The following TNRC6C variants were observed in gnomAD, a reference collection of about 807,000 sequenced individuals.
The protein encoded by TNRC6C is trinucleotide repeat-containing gene 6C protein.
In TNRC6C, 20 loss-of-function variants were observed where a neutral mutation model predicts 153.7. The observed-to-expected ratio is 0.13, with a 90% CI of 0.09 to 0.19. The LOEUF is 0.19. Among genes scored for constraint, TNRC6C ranks in the 10% least tolerant of loss-of-function variants. TNRC6C has a pLI of 1.00. For missense variants in TNRC6C, 1,987 were observed against 2,172.0 expected, an observed-to-expected ratio of 0.91 and a Z score of 1.69; for synonymous variants, 811 against 841.4, an observed-to-expected ratio of 0.96 and a Z score of 0.63.
intron 1 of TNRC6C, among the ~76,000 whole-genome samples, chr17:77,983,127 T>C (rs2071105028): frequency 6.6e-6 from 1 of 152,216 alleles, no homozygotes. Context: ...TTTCATATTA[T>C]ACTTAATGGT....
chr17:78,088,016 G>A (rs2073327843), intron 13 of TNRC6C, among the ~76,000 whole-genome samples: 1 of 152,204 alleles, frequency 6.6e-6, no homozygotes, highest in South Asian at 2.1e-4. Flanking sequence ...CAGGACAAAG[G>A]GTTATCGGTA....
intron 1 of TNRC6C, among the ~76,000 whole-genome samples, chr17:77,993,556 T>C (rs2071284139): frequency 6.6e-6 from 1 of 152,208 alleles, no homozygotes; most frequent in South Asian, 2.1e-4. Context: ...GATCTCAGTT[T>C]GCTCCAGTAA....
chr17:77,975,001 TA>T (rs1192315951), intron 1 of TNRC6C, among the ~76,000 whole-genome samples: 2 of 127,236 alleles, frequency 1.6e-5, no homozygotes, highest in Admixed American at 1.5e-4. Context: ...TGTATCTTTC[TA>T]GTAATCAAAG....
intron 3 of TNRC6C, among the ~76,000 whole-genome samples, chr17:78,053,921 C>T (rs2072590592): frequency 6.6e-6 from 1 of 152,084 alleles, no homozygotes. Flanking sequence ...TCATGCATAG[C>T]TTAACAATGG....
At chr17:78,028,769 C>G (rs2071998249) in intron 1 of TNRC6C, among the ~76,000 whole-genome samples, 1 of 152,184 alleles carries the variant, frequency 6.6e-6, no homozygotes, top group South Asian at 2.1e-4. Context: ...GGCATAAACT[C>G]ATTTTGTACA....
chr17:78,036,822 G>T (rs973827032), intron 2 of TNRC6C, among the ~76,000 whole-genome samples: 4 of 151,720 alleles, frequency 2.6e-5, no homozygotes, highest in Non-Finnish European at 5.9e-5. Flanking sequence ...TACTCGGGAG[G>T]CTGAGGCAAG....
intron 3 of TNRC6C, among the ~76,000 whole-genome samples, chr17:78,054,760 T>C (rs1451319859): frequency 6.6e-6 from 1 of 151,290 alleles, no homozygotes; most frequent in Non-Finnish European, 1.5e-5. Context: ...TACTGTGGAC[T>C]ACTGTACACT....
At chr17:77,984,112 T>C (rs2144116532) in intron 1 of TNRC6C, among the ~76,000 whole-genome samples, 1 of 152,310 alleles carries the variant, frequency 6.6e-6, no homozygotes, top group South Asian at 2.1e-4. Flanking sequence ...ATTTATGCCC[T>C]GCTTTTGATA....
chr17:77,994,724 A>G lies in TNRC6C; in HGVS notation c.-37-9446A>G, dbSNP rs373364099. Reference sequence around the variant, plus strand: ...CCAAATATGCCACAAGTTTCAGAACACAGAAATACCATGAAGTTTAAAAAA... The same window carrying G: ...CCAAATATGCCACAAGTTTCAGAACGCAGAAATACCATGAAGTTTAAAAAA... On this transcript the variant is annotated intron_variant, in intron 1 of 22. Transcript: ENST00000636222. 7.2e-5 allele frequency among the ~76,000 whole-genome samples: 11 copies of G among 152,278 alleles called. No individual in the cohort carries two copies. The South Asian group carries it at 8.3e-4, about 11-fold the overall frequency.
chr17:78,051,095 A>G lies in TNRC6C; in HGVS notation c.2033A>G (p.Asn678Ser), dbSNP rs376104550. 6 of 1,595,692 alleles carry G rather than the reference A, an allele frequency of 3.8e-6. No individual in the cohort carries two copies. The African/African-American group carries it at 8.1e-5, about 21-fold the overall frequency. Residue 678 changes from asparagine (N) to serine (S), a missense_variant, in exon 3 of 20, where the codon AAC (asparagine) becomes AGC (serine). Physicochemically the swap from Asn to Ser is conservative, Grantham distance 46. This residue lies in a region of TNRC6C where 1,052 missense variants were observed against 1,017.0 expected (regional missense o/e 1.03). Coordinates refer to ENST00000301624, the Ensembl canonical transcript of TNRC6C. ...AAACCCCAAGACAACAATGTGAGTA[A>G]CTGGGGAGGAGCTGCTTCTGTGAAA...
chr17:78,040,287 C>A (rs1017223431), intron 2 of TNRC6C, among the ~76,000 whole-genome samples: 1 of 152,220 alleles, frequency 6.6e-6, no homozygotes, highest in African/African-American at 2.4e-5. Flanking sequence ...TTTTGCAAGT[C>A]TGCAGGATAG....
intron 7 of TNRC6C, among the ~76,000 whole-genome samples, chr17:78,074,383 A>G (rs754593435): frequency 2.6e-5 from 4 of 152,196 alleles, no homozygotes; most frequent in African/African-American, 4.8e-5. Context: ...AATTTTAGCA[A>G]GTAGGCCAGC....
chr17:78,008,264 T>G (rs1280012315), intron 1 of TNRC6C, among the ~76,000 whole-genome samples: 3 of 152,196 alleles, frequency 2.0e-5, no homozygotes, highest in Non-Finnish European at 4.4e-5. Flanking sequence ...AATTTGAAAA[T>G]TAGATTTCTA....
chr17:78,104,821 C>T lies in TNRC6C; in HGVS notation c.5049C>T (p.Asp1683=). Residue 1683 remains aspartate (D), a synonymous_variant, in exon 20 of 20, where the codon GAC becomes GAT. Transcript: ENST00000301624. This position sits in a 1 kb window ranked among gnomAD's most constrained non-coding sequence, Gnocchi z 6.2. ...CGCTAACCACCCTGCTGCCTGGGGA[C>T]CTGCTCAGCGGGGAGTCCCTGTAGG... The T allele has an allele frequency of 2.1e-6, 3 of 1,440,736 alleles. No homozygotes were observed. Among genetic ancestry groups the T allele is most frequent in the Non-Finnish European group, 2.7e-6 (3 of 1,098,402 alleles). 89.2% of individuals were successfully genotyped at this position (1,440,736 alleles called of 1,614,324 possible).
intron 2 of TNRC6C, among the ~76,000 whole-genome samples, chr17:78,042,479 T>C (rs1029405252): frequency 2.6e-5 from 4 of 152,172 alleles, no homozygotes; most frequent in African/African-American, 9.7e-5. Context: ...AACTCCGAAA[T>C]GGTATAAAGT....
At chr17:78,031,808 C>G in exon 2 of TNRC6C, 1 of 1,232,264 alleles carries the variant, frequency 8.1e-7, no homozygotes, top group Middle Eastern at 3.1e-4. Flanking sequence ...TACCTGGAGC[C>G]GGAACACAGC....
At chr17:78,054,352 A>C (rs2072601606) in intron 3 of TNRC6C, among the ~76,000 whole-genome samples, 1 of 152,004 alleles carries the variant, frequency 6.6e-6, no homozygotes, top group African/African-American at 2.4e-5. Context: ...ACTGCAGACT[A>C]CGCACACCAC....
At chr17:78,003,501 T>G (rs1173273957), upstream of TNRC6C, among the ~76,000 whole-genome samples, 1 of 152,062 alleles carries the variant, frequency 6.6e-6, no homozygotes, top group Non-Finnish European at 1.5e-5. Flanking sequence ...AAAAACTCAG[T>G]AGAAGGATTA....
At chr17:77,957,664 C>A (rs945622030), upstream of TNRC6C, among the ~76,000 whole-genome samples, 5 of 152,236 alleles carry the variant, frequency 3.3e-5, no homozygotes, top group Admixed American at 6.5e-5. Flanking sequence ...GGGGGAAAAG[C>A]TAGCCTGCTT....
Sources: gnomAD v4.1 joint callset for allele counts (sites outside exome capture counted in the v4.1 genomes callset) on GRCh38, gnomAD v4.1.1 for gene constraint, gnomAD v4.1.1 regional missense constraint, Gnocchi (gnomAD v3.1) non-coding constraint, MANE v1.5 for transcripts, NCBI Gene and HGNC (gene_info 2026-07-23, HGNC 2026-07-21) for gene names.